Variants in FBXL7 observed in about 807,000 individuals in gnomAD.
FBXL7 encodes the protein F-box and leucine rich repeat protein 7, also known as F-box/LRR-repeat protein 7.
FBXL7 carries 12 observed loss-of-function variants against 38.3 expected under a neutral mutation model. The ratio of observed to expected loss-of-function variants is 0.31; its 90% CI spans 0.20 to 0.51. The LOEUF is 0.51. FBXL7 is among the 20% of genes least tolerant of loss of function. The pLI is 0.98. For synonymous variants in FBXL7, 297 were observed against 300.9 expected, an observed-to-expected ratio of 0.99 and a Z score of 0.13; for missense variants, 567 against 676.4, an observed-to-expected ratio of 0.84 and a Z score of 1.79.
At chr5:15,677,473 A>AG (rs1491338032) in intron 2 of FBXL7, among the ~76,000 whole-genome samples, 2 of 101,046 alleles carry the variant, frequency 2.0e-5, no homozygotes, top group Non-Finnish European at 4.1e-5. Context: ...AAAAAGAAAG[A>AG]AAGAGAGAGA....
chr5:15,860,780 A>G lies in FBXL7; in HGVS notation c.128-67110A>G, dbSNP rs185632878. Among the ~76,000 whole-genome samples the G allele has an allele frequency of 9.1e-4, 139 of 152,290 alleles. 1 individual carries two copies. Among genetic ancestry groups the G allele is most frequent in the African/African-American group, 3.2e-3 (135 of 41,570 alleles). On this transcript the variant is annotated intron_variant, in intron 2 of 3. Coordinates refer to ENST00000504595, the MANE Select transcript of FBXL7 (RefSeq NM_012304.5). ...ACTTGTCTTGGAAAATTACTAGACT[A>G]TGGGCCGAAATAATCATAGAGTATT...
In FBXL7 at chr5:15,886,210, G is replaced by GGT. The variant is rs140069204; in HGVS notation, c.128-41662_128-41661dup. ...AAGCAGTATCAAGAAATAATTTTGAGGTGTGTGTGTGTGTGTGTGCATGCA... is the reference window on the plus strand; with the variant it reads ...AAGCAGTATCAAGAAATAATTTTGAGGTGTGTGTGTGTGTGTGTGTGCATGCA... On this transcript the variant is annotated intron_variant, in intron 2 of 3. Coordinates refer to ENST00000504595, the MANE Select transcript of FBXL7 (RefSeq NM_012304.5). Among the ~76,000 whole-genome samples the GGT allele has an allele frequency of 2.2e-3, 323 of 150,018 alleles. 1 individual carries two copies. Among genetic ancestry groups the GGT allele is most frequent in the South Asian group, 3.8e-3 (18 of 4,730 alleles).
At chr5:15,679,147 A>G (rs558306933) in intron 2 of FBXL7, among the ~76,000 whole-genome samples, 34 of 152,288 alleles carry the variant, frequency 2.2e-4, no homozygotes, top group African/African-American at 7.7e-4. Flanking sequence ...TTTTTTGATC[A>G]ACCTCTGCCA....
intron 2 of FBXL7, among the ~76,000 whole-genome samples, chr5:15,690,111 T>C (rs1375201517): frequency 6.6e-6 from 1 of 152,240 alleles, no homozygotes; most frequent in East Asian, 1.9e-4. Context: ...ATCCTCATTA[T>C]GTAGGAAGAT....
At chr5:15,873,795 G>A (rs1254746061) in intron 2 of FBXL7, among the ~76,000 whole-genome samples, 1 of 152,098 alleles carries the variant, frequency 6.6e-6, no homozygotes, top group Non-Finnish European at 1.5e-5. Flanking sequence ...ACCAAAAGAG[G>A]CCCAGGACCA....
At chr5:15,546,928 A>G (rs1473845767) in intron 1 of FBXL7, among the ~76,000 whole-genome samples, 3 of 152,204 alleles carry the variant, frequency 2.0e-5, no homozygotes, top group Admixed American at 1.3e-4. Context: ...ATCACAAAAC[A>G]AATTGAAAGT....
chr5:15,626,572 G>GTA lies in FBXL7; in HGVS notation c.127+10502_127+10503dup, dbSNP rs201327349. Among the ~76,000 whole-genome samples the GTA allele has an allele frequency of 2.3e-3, 356 of 151,700 alleles. 3 individuals carry two copies. Among genetic ancestry groups the GTA allele is most frequent in the African/African-American group, 8.3e-3 (343 of 41,200 alleles). ...TGTGTGTGTGTGTGTGTGTGTGTGTGTATGTGTACACCATGCACTTAAGGA... is the reference window on the plus strand; with the variant it reads ...TGTGTGTGTGTGTGTGTGTGTGTGTGTATATGTGTACACCATGCACTTAAGGA... On this transcript the variant is annotated intron_variant, in intron 2 of 3. Coordinates refer to ENST00000504595, the MANE Select transcript of FBXL7 (RefSeq NM_012304.5).
intron 2 of FBXL7, among the ~76,000 whole-genome samples, chr5:15,883,828 T>C (rs1258583136): frequency 2.0e-5 from 3 of 152,216 alleles, no homozygotes; most frequent in Non-Finnish European, 4.4e-5. Context: ...AATACCAAAC[T>C]ATTTCCTAAA....
In FBXL7 at chr5:15,937,222, A is replaced by C. The variant is rs779567649; in HGVS notation, c.*36A>C. ...TTCATCCGGCGTTGTATTCACACAAACCTGAACAAAGCAAATTTTTTTAAA... is the reference window on the plus strand; with the variant it reads ...TTCATCCGGCGTTGTATTCACACAACCCTGAACAAAGCAAATTTTTTTAAA... On this transcript the variant is annotated 3_prime_UTR_variant, in exon 4 of 4. Coordinates refer to ENST00000504595, the MANE Select transcript of FBXL7 (RefSeq NM_012304.5). The C allele has an allele frequency of 2.6e-5, 39 of 1,506,964 alleles. No individual in the cohort carries two copies. Among genetic ancestry groups the C allele is most frequent in the Non-Finnish European group, 3.3e-5 (37 of 1,130,172 alleles). 93.3% of individuals were successfully genotyped at this position (1,506,964 alleles called of 1,614,324 possible).
intron 2 of FBXL7, among the ~76,000 whole-genome samples, chr5:15,647,419 G>C (rs1391853307): frequency 6.6e-6 from 1 of 152,050 alleles, no homozygotes; most frequent in East Asian, 1.9e-4. Context: ...CAGTACTTCC[G>C]AGGCCACTGT....
At chr5:15,735,567 G>A (rs1735728152) in intron 2 of FBXL7, among the ~76,000 whole-genome samples, 1 of 152,208 alleles carries the variant, frequency 6.6e-6, no homozygotes, top group Admixed American at 6.5e-5. Flanking sequence ...GATTTCAGCT[G>A]GAAATTTGGG....
intron 2 of FBXL7, among the ~76,000 whole-genome samples, chr5:15,744,939 GAAC>G (rs1349545392): frequency 1.3e-5 from 2 of 151,964 alleles, no homozygotes; most frequent in African/African-American, 2.4e-5. Context: ...ACTATCACGA[GAAC>G]AACATGAGGG....
At chr5:15,742,699 A>T (rs1735923403) in intron 2 of FBXL7, among the ~76,000 whole-genome samples, 1 of 152,162 alleles carries the variant, frequency 6.6e-6, no homozygotes, top group African/African-American at 2.4e-5. Context: ...AATCTTATAT[A>T]TGCTATTATA....
At chr5:15,731,819 G>A (rs1417058125) in intron 2 of FBXL7, among the ~76,000 whole-genome samples, 2 of 152,190 alleles carry the variant, frequency 1.3e-5, no homozygotes, top group Non-Finnish European at 2.9e-5. Context: ...AGGAGGCTGT[G>A]TTCGGGGCTC....
chr5:15,613,241 C>T (rs1360256195), intron 1 of FBXL7, among the ~76,000 whole-genome samples: 2 of 152,130 alleles, frequency 1.3e-5, no homozygotes, highest in Non-Finnish European at 2.9e-5. Flanking sequence ...GAAATTTCCC[C>T]TACCAGATAC....
At chr5:15,524,953 C>T (rs1392738633) in intron 1 of FBXL7, among the ~76,000 whole-genome samples, 7 of 152,196 alleles carry the variant, frequency 4.6e-5, no homozygotes, top group Non-Finnish European at 7.3e-5. Context: ...ATTCATCATC[C>T]GCCCTACTAG....
chr5:15,656,702 A>T (rs1280311870), intron 2 of FBXL7, among the ~76,000 whole-genome samples: 1 of 152,110 alleles, frequency 6.6e-6, no homozygotes, highest in African/African-American at 2.4e-5. Flanking sequence ...GTAGGTTGTT[A>T]TAATAAAGAC....
chr5:15,869,082 T>A (rs1166554572), intron 2 of FBXL7, among the ~76,000 whole-genome samples: 3 of 152,118 alleles, frequency 2.0e-5, no homozygotes, highest in Non-Finnish European at 4.4e-5. Flanking sequence ...CACCAGCTGC[T>A]GGTTGGGGGT....
chr5:15,564,248 T>C (rs1193854282), intron 1 of FBXL7, among the ~76,000 whole-genome samples: 1 of 152,100 alleles, frequency 6.6e-6, no homozygotes, highest in Admixed American at 6.6e-5. Context: ...TGGTGTCATA[T>C]TAATGCAAAA....
Sources: gnomAD v4.1 joint callset for allele counts (sites outside exome capture counted in the v4.1 genomes callset) on GRCh38, gnomAD v4.1.1 for gene constraint, MANE v1.5 for transcripts, NCBI Gene and HGNC (gene_info 2026-07-23, HGNC 2026-07-21) for gene names.